The following ALK variants were observed in gnomAD, a reference collection of about 807,000 sequenced individuals.
The protein encoded by ALK is ALK tyrosine kinase receptor.
ALK carries 74 observed loss-of-function variants against 163.1 expected under a neutral mutation model. That is an observed-to-expected ratio of 0.45 (90% CI 0.38 to 0.55). The LOEUF (loss-of-function observed/expected upper bound fraction) is 0.55, where lower values mean the gene tolerates loss of function less well. ALK is among the 20% of genes least tolerant of loss of function. The pLI, the probability that ALK is intolerant of heterozygous loss-of-function variation, is 0.00. For synonymous variants in ALK, 960 were observed against 843.2 expected (o/e 1.14, Z -2.40); for missense variants, 2,063 against 2,105.3 (o/e 0.98, Z 0.39).
At chr2:29,523,877 T>C (rs1272712740) in intron 4 of ALK, among the ~76,000 whole-genome samples, 4 of 146,290 alleles carry the variant, frequency 2.7e-5, no homozygotes, top group Admixed American at 6.8e-5. Context: ...TTTTTTTTTT[T>C]TTTTTTTTTT....
Position 29,733,780 on chromosome 2 carries a change from G to A in ALK, c.668-16083C>T, listed in dbSNP as rs962736363. ...GAAACATACACTTTGTAGACAGGAG[G>A]GGAAGATCTGCAATCCAGACACACC... On this transcript the variant is annotated intron_variant, in intron 1 of 28. Coordinates refer to ENST00000389048, the MANE Select transcript of ALK (RefSeq NM_004304.5). Among the ~76,000 whole-genome samples the A allele has an allele frequency of 3.3e-5, 5 of 152,280 alleles. No individual in the cohort carries two copies. The South Asian group carries it at 1.0e-3, about 32-fold the overall frequency.
At chr2:29,301,869 T>C (rs1666381373) in intron 8 of ALK, among the ~76,000 whole-genome samples, 1 of 152,180 alleles carries the variant, frequency 6.6e-6, no homozygotes, top group Non-Finnish European at 1.5e-5. Context: ...ATGGCATCCT[T>C]AGCCTTCTGA....
intron 4 of ALK, among the ~76,000 whole-genome samples, chr2:29,452,332 G>GT (rs66533654): frequency 0.019 from 2,836 of 145,828 alleles, 65 homozygotes; most frequent in African/African-American, 0.067. Flanking sequence ...AGTTTTTTTT[G>GT]TTTTTTTTTT....
At chr2:29,306,657 G>GTA (rs1666517686) in intron 8 of ALK, among the ~76,000 whole-genome samples, 3 of 152,098 alleles carry the variant, frequency 2.0e-5, no homozygotes, top group Admixed American at 2.0e-4. Flanking sequence ...ACAGTCGTGT[G>GTA]TGTGTGTGTG....
intron 3 of ALK, among the ~76,000 whole-genome samples, chr2:29,583,584 A>T (rs1298927365): frequency 7.3e-6 from 1 of 136,650 alleles, no homozygotes; most frequent in African/African-American, 2.5e-5. Flanking sequence ...AACATGCTCC[A>T]TCTGTTCTCT....
At chr2:29,466,686 G>A (rs138510816) in intron 4 of ALK, among the ~76,000 whole-genome samples, 223 of 152,298 alleles carry the variant, frequency 1.5e-3, no homozygotes, top group African/African-American at 5.0e-3. Flanking sequence ...TCTCAATGGT[G>A]TGTCATATGA....
rs1254090621 is a variant in ALK, at chr2:29,830,712, TTAAAAAAAA to T, written c.667+89272_667+89280del. On this transcript the variant is annotated intron_variant, in intron 1 of 28. Transcript: ENST00000389048. ...AGCAAGACCCTGTCTCTAAAATAGT[TTAAAAAAAA>T]AAAAAAAAAAAAAAAAAAAAAAAAA... 3.9e-3 allele frequency among the ~76,000 whole-genome samples: 247 copies of T among 63,518 alleles called. 19 individuals carry two copies. The highest frequency in any genetic ancestry group is 0.014 in the African/African-American group (221 of 16,062). 41.7% of individuals were successfully genotyped at this position (63,518 alleles called of 152,430 possible).
intron 3 of ALK, among the ~76,000 whole-genome samples, chr2:29,627,358 C>T (rs1379624779): frequency 6.6e-6 from 1 of 152,172 alleles, no homozygotes; most frequent in Non-Finnish European, 1.5e-5. Flanking sequence ...TTTGCCTGCT[C>T]ACCACTCCCT....
chr2:29,439,046 C>CTT (rs1670472704), intron 4 of ALK, among the ~76,000 whole-genome samples: 1 of 152,166 alleles, frequency 6.6e-6, no homozygotes. Context: ...CTGGTGTTGG[C>CTT]TCCAGGTCAT....
chr2:29,604,576 A>T (rs1486246322), intron 3 of ALK, among the ~76,000 whole-genome samples: 1 of 152,220 alleles, frequency 6.6e-6, no homozygotes, highest in East Asian at 1.9e-4. Context: ...GGGATAAAAG[A>T]TGCTTTGTTA....
Position 29,570,451 on chromosome 2 carries a change from G to A in ALK, c.953-38335C>T, listed in dbSNP as rs181995213. Among the ~76,000 whole-genome samples, 73 of 152,282 alleles carry A rather than the reference G, an allele frequency of 4.8e-4. 1 individual carries two copies. Among genetic ancestry groups the A allele is most frequent in the Non-Finnish European group, 7.5e-4 (51 of 68,032 alleles). The stretch of plus-strand genomic sequence containing the variant: ...AGTGCTCAAGAATGTTAAAATTCTG[G>A]GAGAGCTGCATGGGAAGAGGGAAAC... On this transcript the variant is annotated intron_variant, in intron 3 of 28. Transcript: ENST00000389048.
At chr2:29,844,859 G>GCACACACACACA (rs34706620) in intron 1 of ALK, among the ~76,000 whole-genome samples, 14 of 148,750 alleles carry the variant, frequency 9.4e-5, no homozygotes, top group African/African-American at 3.5e-4. Flanking sequence ...TAACCCCCCT[G>GCACACACACACA]CACACACACA....
chr2:29,799,445 T>C (rs560238484), intron 1 of ALK, among the ~76,000 whole-genome samples: 2 of 152,240 alleles, frequency 1.3e-5, no homozygotes, highest in South Asian at 4.2e-4. Context: ...GGCAGGAGAA[T>C]AGCTTGAGGC....
chr2:29,389,361 G>A (rs923268522), intron 4 of ALK, among the ~76,000 whole-genome samples: 1 of 152,214 alleles, frequency 6.6e-6, no homozygotes, highest in Non-Finnish European at 1.5e-5. Context: ...AGAGGGGTCA[G>A]GAATTAGGAA....
chr2:29,717,422 C>T (rs1265024816), intron 2 of ALK, among the ~76,000 whole-genome samples, 156 bp downstream of exon 2: 1 of 151,906 alleles, frequency 6.6e-6, no homozygotes, highest in East Asian at 1.9e-4. Flanking sequence ...CGGGGTTGAG[C>T]GTCACTGGGA....
At chr2:29,255,626 G>A (rs542379943) in intron 11 of ALK, among the ~76,000 whole-genome samples, 2 of 152,212 alleles carry the variant, frequency 1.3e-5, no homozygotes, top group African/African-American at 2.4e-5. Context: ...TCGGTCCAAG[G>A]GTCCTTTGGG....
intron 4 of ALK, among the ~76,000 whole-genome samples, chr2:29,470,104 T>A (rs574793475): frequency 1.3e-5 from 2 of 152,020 alleles, no homozygotes; most frequent in Non-Finnish European, 2.9e-5. Context: ...AATAATTCAA[T>A]AGATGAGTTT....
chr2:29,714,106 C>T (rs1288854874), intron 2 of ALK, among the ~76,000 whole-genome samples: 1 of 151,916 alleles, frequency 6.6e-6, no homozygotes, highest in Non-Finnish European at 1.5e-5. Flanking sequence ...GTAGTTAGAG[C>T]CTAATCCTTT....
At position 29,225,534 on chromosome 2, in the gene ALK, G is replaced by C. The variant is rs1297514227; in HGVS notation, c.3099C>G (p.Leu1033=). The C allele has an allele frequency of 6.2e-7, 1 of 1,612,654 alleles. No homozygotes were observed. The highest frequency in any genetic ancestry group is 1.3e-5 in the African/African-American group (1 of 75,044). ...AGGTCACCACAGAGAGGATCAGCGA[G>C]AGTGGCAGGTGTGGCTCCGGGGTGG... The part of the protein sequence containing the change: ...VSPTPEPHLP[L]SLILSVVTSA... The change falls in exon 19 of 29, where the codon CTC becomes CTG. Residue 1033 remains leucine, a synonymous_variant. Coordinates refer to ENST00000389048, the MANE Select transcript of ALK (RefSeq NM_004304.5).
Sources: allele counts gnomAD v4.1 joint callset (sites outside exome capture counted in the v4.1 genomes callset), GRCh38; gene constraint gnomAD v4.1.1; transcripts MANE v1.5; gene names NCBI Gene and HGNC (gene_info 2026-07-23, HGNC 2026-07-21).